RNF216: variants seen among roughly 807,000 people sequenced by gnomAD.
RNF216 encodes E3 ubiquitin-protein ligase RNF216.
RNF216 carries 72 observed loss-of-function variants against 110.8 expected under a neutral mutation model. The observed-to-expected ratio is 0.65, with a 90% CI of 0.54 to 0.79. The LOEUF (loss-of-function observed/expected upper bound fraction) is 0.79. Ranked by LOEUF, RNF216 falls within the 30% of genes least tolerant of loss-of-function variation. The pLI is 0.00. For synonymous variants in RNF216, 495 were observed against 407.5 expected, an observed-to-expected ratio of 1.21 and a Z score of -2.59; for missense variants, 1,342 against 1,141.2, an observed-to-expected ratio of 1.18 and a Z score of -2.54.
intron 2 of RNF216, among the ~76,000 whole-genome samples, chr7:5,756,834 C>A (rs535198797): frequency 2.0e-5 from 3 of 152,218 alleles, no homozygotes; most frequent in South Asian, 2.1e-4. Context: ...GAGAATCTCA[C>A]CATGTCGCCC....
At chr7:5,732,524 A>G (rs1445489589) in intron 5 of RNF216, among the ~76,000 whole-genome samples, 1 of 152,230 alleles carries the variant, frequency 6.6e-6, no homozygotes, top group Non-Finnish European at 1.5e-5. Context: ...AAGAACTTCA[A>G]ATACTGAAAT....
In RNF216 at chr7:5,715,120, T is replaced by C. The variant is rs767047048; in HGVS notation, c.1766A>G (p.Asp589Gly). The C allele has an allele frequency of 6.2e-7, 1 of 1,613,740 alleles. No homozygotes were observed. The highest frequency in any genetic ancestry group is 1.3e-5 in the African/African-American group (1 of 74,944). ...FPFEELTQCA[D>G]AHLFCKECLI... Reference sequence around the variant, plus strand: ...ACACTCTTTGCAGAACAAGTGAGCATCTGCGCACTGCGTCAGCTCCTCGAA... The same window carrying C: ...ACACTCTTTGCAGAACAAGTGAGCACCTGCGCACTGCGTCAGCTCCTCGAA... The change falls in exon 11 of 17, where the codon GAT (aspartate) becomes GGT (glycine). Residue 589 changes from aspartate (D) to glycine (G), a missense_variant. Coordinates refer to ENST00000389902, the MANE Select transcript of RNF216 (RefSeq NM_207111.4).
intron 13 of RNF216, among the ~76,000 whole-genome samples, chr7:5,654,595 G>A (rs1788611680): frequency 2.0e-5 from 3 of 148,302 alleles, no homozygotes; most frequent in Middle Eastern, 3.6e-3. Context: ...GCTGAGGCAG[G>A]AGAATCACTT....
In RNF216 at chr7:5,762,582, G is replaced by C. The variant is rs532901773; in HGVS notation, c.-69-1444C>G. 5.3e-5 allele frequency among the ~76,000 whole-genome samples: 8 copies of C among 151,910 alleles called. No individual in the cohort carries two copies. The South Asian group carries it at 1.7e-3, about 32-fold the overall frequency. ...TGACGGGCACCTGATATCCCAGCTA[G>C]TCAGGAAGCTAAGGCAGGAGAATGG... is the stretch of plus-strand genomic sequence containing the variant. On this transcript the variant is annotated intron_variant, in intron 1 of 16. Coordinates refer to ENST00000389902, the MANE Select transcript of RNF216 (RefSeq NM_207111.4).
chr7:5,760,197 T>A (rs541789063), intron 2 of RNF216, among the ~76,000 whole-genome samples: 1 of 152,092 alleles, frequency 6.6e-6, no homozygotes, highest in Non-Finnish European at 1.5e-5. Context: ...CCTTTACAAA[T>A]CAATAAAATT....
At chr7:5,731,616 G>T (rs1459537491) in intron 5 of RNF216, among the ~76,000 whole-genome samples, 15 of 151,426 alleles carry the variant, frequency 9.9e-5, no homozygotes, top group African/African-American at 3.7e-4. Context: ...AGTGGGTGGG[G>T]TACAGCTCTA....
At chr7:5,650,406 G>A (rs764117185) in intron 14 of RNF216, among the ~76,000 whole-genome samples, 1 of 152,204 alleles carries the variant, frequency 6.6e-6, no homozygotes, top group African/African-American at 2.4e-5. Context: ...TGCTTTGTAA[G>A]TAATTCTCCT....
rs912807448 is a variant in RNF216 at position 5,760,898 on chromosome 7, C to A, written c.67+105G>T. ...GTCTTTTTGTCAAAAACGAAATGTC[C>A]CTGGATTCTAAATGGTACAAAATAG... On this transcript the variant is annotated intron_variant, in intron 2 of 16. Coordinates refer to ENST00000389902, the MANE Select transcript of RNF216 (RefSeq NM_207111.4). 3.4e-6 allele frequency: 3 copies of A among 882,412 alleles called. No individual in the cohort carries two copies. In the African/African-American group the frequency reaches 5.3e-5, roughly 16 times the overall value. The allele number at this position is 882,412 out of a possible 1,614,324, so 54.7% of individuals were successfully genotyped here. A position where few individuals can be genotyped will look rare whatever the true frequency, so the allele number is the denominator to read the frequency against.
chr7:5,691,941 C>T (rs1488842726), intron 13 of RNF216, among the ~76,000 whole-genome samples: 1 of 152,250 alleles, frequency 6.6e-6, no homozygotes, highest in Non-Finnish European at 1.5e-5. Context: ...GGCCGACAGT[C>T]AGGCCCTCCT....
intron 13 of RNF216, among the ~76,000 whole-genome samples, chr7:5,654,199 CTT>C (rs1788585978): frequency 1.3e-5 from 2 of 152,174 alleles, no homozygotes; most frequent in Non-Finnish European, 2.9e-5. Context: ...AGGGGACTGA[CTT>C]GAGAGCAAGG....
rs181422021 is a variant in RNF216 at position 5,652,317 on chromosome 7, G to A, written c.2159+96C>T. ...CACTCCAGACTGGGGTGGCTCAAGC[G>A]TGTTCTTCCGACAACAGTATGCCCT... On this transcript the variant is annotated intron_variant, in intron 14 of 16. Transcript: ENST00000389902. 184 of 868,008 alleles carry A rather than the reference G, an allele frequency of 2.1e-4. 2 individuals carry two copies. The African/African-American group carries it at 2.5e-3, about 12-fold the overall frequency. The allele number at this position is 868,008 out of a possible 1,614,324, so 53.8% of individuals were successfully genotyped here.
At chr7:5,706,430 T>G (rs1190079858) in intron 13 of RNF216, among the ~76,000 whole-genome samples, 2 of 152,162 alleles carry the variant, frequency 1.3e-5, no homozygotes, top group Non-Finnish European at 1.5e-5. Flanking sequence ...ACTTTGTGTT[T>G]CTATGAGTCT....
At chr7:5,679,658 G>A (rs1191596265) in intron 13 of RNF216, among the ~76,000 whole-genome samples, 1 of 152,192 alleles carries the variant, frequency 6.6e-6, no homozygotes, top group African/African-American at 2.4e-5. Flanking sequence ...CACTGAAATC[G>A]AGAGAATAGC....
intron 13 of RNF216, among the ~76,000 whole-genome samples, chr7:5,675,300 A>T (rs542816878): frequency 2.0e-5 from 3 of 152,292 alleles, no homozygotes; most frequent in Admixed American, 6.5e-5. Flanking sequence ...TAGAAGCCCC[A>T]GAGGGGACAG....
At chr7:5,666,979 T>C (rs1039100049) in intron 13 of RNF216, among the ~76,000 whole-genome samples, 6 of 152,128 alleles carry the variant, frequency 3.9e-5, no homozygotes, top group Non-Finnish European at 8.8e-5. Flanking sequence ...CATACCTGGC[T>C]AATTTTTTGT....
At chr7:5,777,759 C>T (rs1239137567) in intron 1 of RNF216, 1 of 152,160 alleles carries the variant, frequency 6.6e-6, no homozygotes, top group Non-Finnish European at 1.5e-5. Flanking sequence ...AACAATTAGT[C>T]TAGAGTTTAA....
chr7:5,717,306 T>C (rs1175782741), intron 9 of RNF216, among the ~76,000 whole-genome samples: 2 of 152,136 alleles, frequency 1.3e-5, no homozygotes, highest in Non-Finnish European at 2.9e-5. Flanking sequence ...TGAGCCGAAA[T>C]CGCACCATTG....
At chr7:5,695,188 T>C (rs1462361878) in intron 13 of RNF216, among the ~76,000 whole-genome samples, 2 of 152,218 alleles carry the variant, frequency 1.3e-5, no homozygotes, top group African/African-American at 2.4e-5. Flanking sequence ...GTCTGGGTTA[T>C]ATGACCTCCT....
Position 5,761,105 on chromosome 7 carries a change from T to C in RNF216, c.-36A>G, listed in dbSNP as rs967901647. On this transcript the variant is annotated 5_prime_UTR_variant, in exon 2 of 17. It adds an upstream start codon to the 5' untranslated region. Coordinates refer to ENST00000389902, the MANE Select transcript of RNF216 (RefSeq NM_207111.4). The stretch of plus-strand genomic sequence containing the variant: ...AGACATGCATATATGGGACTGCTAA[T>C]ATCTAAACATGGTGACCATCTGTTT... The C allele has an allele frequency of 5.1e-6, 7 of 1,375,398 alleles. No homozygotes were observed. The African/African-American group carries it at 1.0e-4, about 21-fold the overall frequency. The allele number at this position is 1,375,398 out of a possible 1,614,324, so 85.2% of individuals were successfully genotyped here.
Sources: gnomAD v4.1 joint callset for allele counts (sites outside exome capture counted in the v4.1 genomes callset) on GRCh38, gnomAD v4.1.1 for gene constraint, MANE v1.5 for transcripts, NCBI Gene and HGNC (gene_info 2026-07-23, HGNC 2026-07-21) for gene names.